Variants in AFG2A observed in about 807,000 individuals in gnomAD.
The protein encoded by AFG2A is AAA ATPase AFG2A.
chr4:123,316,894 T>A, the AFG2A span: 12 of 152,348 alleles, frequency 7.9e-5, no homozygotes, highest in Admixed American at 7.2e-4. Flanking sequence ...GCTTTCTGAC[T>A]TGGCCTGTGC....
the AFG2A span, among the ~76,000 whole-genome samples, chr4:122,923,850 A>C: frequency 1.3e-5 from 2 of 152,160 alleles, no homozygotes; most frequent in Admixed American, 6.5e-5. Context: ...AGTTTTATAG[A>C]GGGAGGAAAG....
chr4:122,980,826 T>G, the AFG2A span, among the ~76,000 whole-genome samples: 1 of 152,198 alleles, frequency 6.6e-6, no homozygotes, highest in East Asian at 1.9e-4. Context: ...CCTTTGCCCA[T>G]TTTTAATCAG....
the AFG2A span, among the ~76,000 whole-genome samples, chr4:123,007,205 T>G: frequency 1.1e-4 from 16 of 152,096 alleles, no homozygotes; most frequent in African/African-American, 3.9e-4. Flanking sequence ...ACTAAGGCAG[T>G]GTTTTGAATA....
the AFG2A span, chr4:123,256,304 A>G: frequency 9.2e-7 from 1 of 1,088,404 alleles, no homozygotes; most frequent in Admixed American, 2.5e-5. Flanking sequence ...TGAAACAGGA[A>G]GTGCAGTACA....
the AFG2A span, among the ~76,000 whole-genome samples, chr4:123,146,487 T>C: frequency 6.6e-6 from 1 of 152,198 alleles, no homozygotes; most frequent in African/African-American, 2.4e-5. Flanking sequence ...GGTGAAAATT[T>C]TGAGGTTCTT....
At chr4:122,952,520 G>A in the AFG2A span, among the ~76,000 whole-genome samples, 2 of 152,182 alleles carry the variant, frequency 1.3e-5, no homozygotes, top group African/African-American at 4.8e-5. Context: ...ATGTGAGTAG[G>A]CCTGCACCCT....
the AFG2A span, among the ~76,000 whole-genome samples, chr4:122,948,834 C>T: frequency 2.0e-5 from 3 of 152,186 alleles, no homozygotes; most frequent in African/African-American, 4.8e-5. Context: ...CCATATACTC[C>T]GCACCAGCAT....
the AFG2A span, among the ~76,000 whole-genome samples, chr4:123,047,965 G>T: frequency 3.3e-5 from 5 of 152,110 alleles, no homozygotes; most frequent in Non-Finnish European, 7.4e-5. Context: ...TTCCTGAGTT[G>T]CTGGGATTAC....
chr4:123,045,607 G>A, the AFG2A span, among the ~76,000 whole-genome samples: 1 of 152,104 alleles, frequency 6.6e-6, no homozygotes, highest in Admixed American at 6.5e-5. Flanking sequence ...CTCATGATTA[G>A]ATTTAGGTTA....
At chr4:123,291,057 G>A in the AFG2A span, among the ~76,000 whole-genome samples, 1 of 151,906 alleles carries the variant, frequency 6.6e-6, no homozygotes, top group Non-Finnish European at 1.5e-5. Flanking sequence ...GACCCTCTTT[G>A]GGTTTTTTGT....
the AFG2A span, among the ~76,000 whole-genome samples, chr4:122,965,743 T>G: frequency 4.6e-5 from 7 of 152,352 alleles, no homozygotes; most frequent in Admixed American, 2.0e-4. Flanking sequence ...TATTCCTTGA[T>G]GTACATGTGT....
At chr4:123,025,288 T>C in the AFG2A span, among the ~76,000 whole-genome samples, 2 of 152,238 alleles carry the variant, frequency 1.3e-5, no homozygotes, top group Admixed American at 1.3e-4. Flanking sequence ...ACACAGCAAG[T>C]AGATACAGAA....
the AFG2A span, among the ~76,000 whole-genome samples, chr4:123,157,428 A>G: frequency 3.9e-5 from 6 of 151,976 alleles, no homozygotes; most frequent in Non-Finnish European, 8.8e-5. Context: ...TCTACCCCCT[A>G]CTTTGTATGG....
At chr4:123,225,727 G>C in the AFG2A span, among the ~76,000 whole-genome samples, 1 of 152,138 alleles carries the variant, frequency 6.6e-6, no homozygotes, top group African/African-American at 2.4e-5. Context: ...CTTTCAAGTA[G>C]TTTTTTCCAA....
At chr4:122,923,713 G>A in the AFG2A span, among the ~76,000 whole-genome samples, 1 of 152,142 alleles carries the variant, frequency 6.6e-6, no homozygotes, top group Non-Finnish European at 1.5e-5. Flanking sequence ...AGTGATGATA[G>A]CATTTTCTTC....
chr4:123,225,270 C>T, the AFG2A span, among the ~76,000 whole-genome samples: 1 of 152,190 alleles, frequency 6.6e-6, no homozygotes, highest in Non-Finnish European at 1.5e-5. Context: ...GTGTTTTAGA[C>T]ATGAAGTTCT....
chr4:123,271,169 C>T, the AFG2A span, among the ~76,000 whole-genome samples: 2 of 152,236 alleles, frequency 1.3e-5, no homozygotes, highest in African/African-American at 4.8e-5. Context: ...AGTTCAAGGC[C>T]AAAGAATTAC....
chr4:123,306,777 G>A, the AFG2A span, among the ~76,000 whole-genome samples: 2 of 152,118 alleles, frequency 1.3e-5, no homozygotes, highest in Non-Finnish European at 2.9e-5. Context: ...GGCTGGTCAG[G>A]TATCCATTTT....
the AFG2A span, among the ~76,000 whole-genome samples, chr4:123,131,164 C>T: frequency 6.6e-6 from 1 of 151,784 alleles, no homozygotes; most frequent in East Asian, 1.9e-4. Context: ...TATTACAAAC[C>T]TTCTCTTAAT....
Sources: gnomAD v4.1 joint callset for allele counts (sites outside exome capture counted in the v4.1 genomes callset) on GRCh38, gnomAD v4.1.1 for gene constraint, MANE v1.5 for transcripts, NCBI Gene and HGNC (gene_info 2026-07-23, HGNC 2026-07-21) for gene names.